Variants in SPTBN1 observed in about 807,000 individuals in gnomAD.
SPTBN1 encodes spectrin beta, non-erythrocytic 1.
SPTBN1 carries 32 observed loss-of-function variants against 266.4 expected under a neutral mutation model. The ratio of observed to expected loss-of-function variants is 0.12; its 90% CI spans 0.09 to 0.16. SPTBN1 has a LOEUF of 0.16. Ranked by LOEUF, SPTBN1 falls within the 10% of genes least tolerant of loss-of-function variation. The pLI is 1.00. For synonymous variants in SPTBN1, 1,336 were observed against 1,162.2 expected (o/e 1.15, Z -3.04); for missense variants, 2,296 against 3,067.1 (o/e 0.75, Z 5.94).
chr2:54,492,982 A>G (rs939659492), intron 1 of SPTBN1, among the ~76,000 whole-genome samples: 2 of 151,130 alleles, frequency 1.3e-5, no homozygotes, highest in African/African-American at 4.9e-5. Flanking sequence ...TAAAGTTTAG[A>G]TAGAACTAAA....
At chr2:54,654,526 A>G (rs931630299) in intron 27 of SPTBN1, among the ~76,000 whole-genome samples, 1 of 152,178 alleles carries the variant, frequency 6.6e-6, no homozygotes, top group Non-Finnish European at 1.5e-5. Context: ...TTTTTGAAGC[A>G]GTTGTATTTC....
Position 54,631,133 on chromosome 2 carries a change from A to G in SPTBN1, c.3086A>G (p.Gln1029Arg), listed in dbSNP as rs1337300040. The change falls in exon 16 of 36, where the codon CAG becomes CGG. Residue 1029 changes from glutamine (Q) to arginine (R), a missense_variant. Physicochemically the swap from Gln to Arg is conservative, Grantham distance 43. Transcript: ENST00000356805. ...AEKLESEHPDQAQAILSRLAE... is the reference protein window; with the variant it reads ...AEKLESEHPDRAQAILSRLAE... ...AAGCTGGAGTCCGAGCACCCCGACC[A>G]GGCCCAGGCCATCCTGTCTCGGCTG... 1.2e-6 allele frequency: 2 copies of G among 1,614,194 alleles called. No homozygotes were observed. Among genetic ancestry groups the G allele is most frequent in the Admixed American group, 3.3e-5 (2 of 60,032 alleles).
intron 28 of SPTBN1, 59 bp from the exon 29 acceptor site, chr2:54,655,855 C>A: frequency 7.6e-7 from 1 of 1,316,528 alleles, no homozygotes; most frequent in East Asian, 2.4e-5. Context: ...AAAATGACCC[C>A]ATCAAGAGGA....
At chr2:54,602,920 G>T (rs1676593852) in intron 3 of SPTBN1, among the ~76,000 whole-genome samples, 1 of 152,194 alleles carries the variant, frequency 6.6e-6, no homozygotes, top group African/African-American at 2.4e-5. Flanking sequence ...AGTGTTTGTG[G>T]ACTGGCCATG....
At chr2:54,660,082 T>G (rs953387381) in intron 32 of SPTBN1, 83 bp downstream of exon 32, 2 of 1,613,430 alleles carry the variant, frequency 1.2e-6, no homozygotes, top group African/African-American at 1.3e-5. Context: ...TGGTCTGGAC[T>G]GTGAAGTTCA....
At chr2:54,658,732 C>G (rs142155878) in intron 30 of SPTBN1, among the ~76,000 whole-genome samples, 221 of 152,258 alleles carry the variant, frequency 1.5e-3, no homozygotes, top group African/African-American at 5.1e-3. Context: ...TGGGTTTTGG[C>G]TGAACACAGA....
Position 54,670,659 on chromosome 2 carries a change from A to G in SPTBN1, c.*2090A>G. ...TCTTGTACTCTTGACAAAGCTGTGCAGATGGCAATAAGTTCATACCAGCAA... is the reference window on the plus strand; with the variant it reads ...TCTTGTACTCTTGACAAAGCTGTGCGGATGGCAATAAGTTCATACCAGCAA... On this transcript the variant is annotated 3_prime_UTR_variant, in exon 36 of 36. Transcript: ENST00000356805. 5.0e-6 allele frequency: 2 copies of G among 398,696 alleles called. No individual in the cohort carries two copies. The highest frequency in any genetic ancestry group is 8.8e-6 in the Non-Finnish European group (2 of 226,082). 24.7% of individuals were successfully genotyped at this position (398,696 alleles called of 1,614,324 possible).
At chr2:54,593,419 C>A (rs546256695) in intron 2 of SPTBN1, among the ~76,000 whole-genome samples, 2 of 152,218 alleles carry the variant, frequency 1.3e-5, no homozygotes, top group South Asian at 4.2e-4. Context: ...GTCCTTTTTT[C>A]ACTTTGTTTT....
rs1465609582 is a variant in SPTBN1, at chr2:54,653,672, G to T, written c.5641G>T (p.Asp1881Tyr). Reference sequence around the variant, plus strand: ...GGCCTATGCGGGTGACAAGGCCGACGATATCCAGAAGCGCGAGAACGAGGT... The same window carrying T: ...GGCCTATGCGGGTGACAAGGCCGACTATATCCAGAAGCGCGAGAACGAGGT... ...QAAYAGDKAD[D>Y]IQKRENEVLE... Residue 1881 changes from aspartate to tyrosine, a missense_variant, in exon 27 of 36, where the codon GAT becomes TAT. This residue lies in a region of SPTBN1 where 644 missense variants were observed against 745.3 expected (regional missense o/e 0.86). Transcript: ENST00000356805. The surrounding 1 kb of genome is among the most constrained non-coding windows in gnomAD (Gnocchi z 5.1). 6.2e-7 allele frequency: 1 copy of T among 1,614,024 alleles called. No individual in the cohort carries two copies. The highest frequency in any genetic ancestry group is 8.5e-7 in the Non-Finnish European group (1 of 1,180,018).
chr2:54,621,896 C>G (rs1453880368), intron 8 of SPTBN1, among the ~76,000 whole-genome samples: 2 of 152,164 alleles, frequency 1.3e-5, no homozygotes, highest in African/African-American at 2.4e-5. Flanking sequence ...TTCAAAACAC[C>G]TCAGACCAGA....
intron 1 of SPTBN1, among the ~76,000 whole-genome samples, chr2:54,475,405 T>C (rs369897921): frequency 2.0e-5 from 3 of 152,096 alleles, no homozygotes; most frequent in Non-Finnish European, 4.4e-5. Context: ...GTTATCTATG[T>C]TTAGAAACTT....
intron 1 of SPTBN1, among the ~76,000 whole-genome samples, chr2:54,509,817 T>C (rs1282829706): frequency 6.6e-5 from 10 of 152,170 alleles, no homozygotes; most frequent in African/African-American, 2.4e-4. Context: ...ATCAAGGAGC[T>C]GTCAGTTGAT....
At chr2:54,465,653 T>TC (rs1693596816) in intron 1 of SPTBN1, among the ~76,000 whole-genome samples, 1 of 101,770 alleles carries the variant, frequency 9.8e-6, no homozygotes, top group African/African-American at 3.9e-5. Context: ...TATATATATA[T>TC]ATATATATAT....
chr2:54,537,686 G>A (rs749206669), intron 2 of SPTBN1, among the ~76,000 whole-genome samples: 3 of 152,220 alleles, frequency 2.0e-5, no homozygotes, highest in Non-Finnish European at 2.9e-5. Context: ...CAGAAATTAA[G>A]GCTTTTCATC....
At chr2:54,589,881 T>G (rs756411949) in intron 2 of SPTBN1, among the ~76,000 whole-genome samples, 20 of 152,360 alleles carry the variant, frequency 1.3e-4, no homozygotes, top group Non-Finnish European at 2.4e-4. Flanking sequence ...CTACCACTAT[T>G]CTTTTGTTTT....
rs145524958 is a variant in SPTBN1 at position 54,616,437 on chromosome 2, T to C, written c.566+139T>C. The stretch of plus-strand genomic sequence containing the variant: ...CTTGTTAACTCGCAAGCAGTTGATA[T>C]GACTTTTCAATTAGCTCTCAGAATG... On this transcript the variant is annotated intron_variant, in intron 5 of 35. Transcript: ENST00000356805. 1.7e-3 allele frequency: 1,037 copies of C among 601,216 alleles called. 4 individuals are homozygous for C. Among genetic ancestry groups the C allele is most frequent in the African/African-American group, 7.7e-3 (410 of 53,312 alleles). 37.2% of individuals were successfully genotyped at this position (601,216 alleles called of 1,614,324 possible). A position where few individuals can be genotyped will look rare whatever the true frequency, so the allele number is the denominator to read the frequency against.
chr2:54,574,723 T>G (rs1341519444), intron 2 of SPTBN1, among the ~76,000 whole-genome samples: 2 of 152,150 alleles, frequency 1.3e-5, no homozygotes, highest in African/African-American at 4.8e-5. Flanking sequence ...TGGTTTGGAA[T>G]TGCAGGTCAC....
At chr2:54,624,431 G>C (rs1428033424) in intron 10 of SPTBN1, among the ~76,000 whole-genome samples, 1 of 152,172 alleles carries the variant, frequency 6.6e-6, no homozygotes, top group African/African-American at 2.4e-5. Context: ...GAATGAATGA[G>C]AAATTCATAT....
intron 28 of SPTBN1, among the ~76,000 whole-genome samples, 157 bp from the exon 29 acceptor site, chr2:54,655,757 C>T (rs187245630): frequency 1.3e-5 from 2 of 152,344 alleles, no homozygotes; most frequent in Admixed American, 6.5e-5. Context: ...GCTTTTCTTT[C>T]CTCTCCCAGT....
Sources: gnomAD v4.1 joint callset for allele counts (sites outside exome capture counted in the v4.1 genomes callset) on GRCh38, gnomAD v4.1.1 for gene constraint, gnomAD v4.1.1 regional missense constraint, Gnocchi (gnomAD v3.1) non-coding constraint, MANE v1.5 for transcripts, NCBI Gene and HGNC (gene_info 2026-07-23, HGNC 2026-07-21) for gene names.